FHIT: variants seen among roughly 807,000 people sequenced by gnomAD.
FHIT encodes bis(5'-adenosyl)-triphosphatase.
In FHIT, 19 loss-of-function variants were observed where a neutral mutation model predicts 17.9. The observed-to-expected ratio is 1.06, with a 90% CI of 0.74 to 1.56. FHIT has a LOEUF of 1.56. Ranked by LOEUF, FHIT falls within the 40% of genes most tolerant of loss-of-function variation. The probability of loss-of-function intolerance (pLI) is 0.00; values close to 1 mark genes in which losing one functional copy is unlikely to be tolerated. For missense variants in FHIT, 248 were observed against 189.2 expected (o/e 1.31, Z -1.82); for synonymous variants, 81 against 69.7 (o/e 1.16, Z -0.81).
At chr3:60,396,454 G>T (rs1701444790) in intron 5 of FHIT, among the ~76,000 whole-genome samples, 1 of 152,152 alleles carries the variant, frequency 6.6e-6, no homozygotes, top group South Asian at 2.1e-4. Flanking sequence ...TCTGTGCAGG[G>T]TGAAACAAAC....
At chr3:61,096,632 C>A (rs2035647639) in intron 2 of FHIT, among the ~76,000 whole-genome samples, 1 of 152,174 alleles carries the variant, frequency 6.6e-6, no homozygotes, top group Admixed American at 6.5e-5. Context: ...GGCTGCTTTA[C>A]TCTCTAGGGT....
At chr3:60,937,424 T>A (rs577853479) in intron 3 of FHIT, among the ~76,000 whole-genome samples, 19 of 152,322 alleles carry the variant, frequency 1.2e-4, no homozygotes, top group Admixed American at 9.2e-4. Flanking sequence ...TTACCCCTAA[T>A]GTGTAGTTTG....
chr3:59,863,852 T>C (rs1382645052), intron 8 of FHIT, among the ~76,000 whole-genome samples: 1 of 152,174 alleles, frequency 6.6e-6, no homozygotes, highest in Non-Finnish European at 1.5e-5. Context: ...ATTGGCAAGG[T>C]GCCTGCGGTA....
intron 7 of FHIT, among the ~76,000 whole-genome samples, chr3:60,000,892 C>T (rs971635431): frequency 2.6e-5 from 4 of 152,194 alleles, no homozygotes; most frequent in African/African-American, 9.6e-5. Flanking sequence ...TAAATTTCTG[C>T]CACCTGGTCT....
chr3:60,329,071 T>C (rs145765302), intron 5 of FHIT, among the ~76,000 whole-genome samples: 2 of 152,360 alleles, frequency 1.3e-5, no homozygotes, highest in African/African-American at 4.8e-5. Context: ...TTGAATTTCA[T>C]ATGGATTTAA....
chr3:61,241,058 A>C (rs919955100), intron 1 of FHIT, among the ~76,000 whole-genome samples: 1 of 152,158 alleles, frequency 6.6e-6, no homozygotes, highest in Non-Finnish European at 1.5e-5. Flanking sequence ...GCAGAGACTA[A>C]TTTTACTTAC....
In FHIT at chr3:59,831,704, G is replaced by C. The variant is rs552716921; in HGVS notation, c.349-79383C>G. 1.7e-4 allele frequency among the ~76,000 whole-genome samples: 26 copies of C among 152,196 alleles called. No homozygotes were observed. In the South Asian group the frequency reaches 5.4e-3, roughly 32 times the overall value. On this transcript the variant is annotated intron_variant, in intron 8 of 9. Transcript: ENST00000492590. ...ACAACTCCAAAGTGCCCTGCCTCCT[G>C]AATGAGATGGAAAATCAGTGGAATA...
intron 5 of FHIT, among the ~76,000 whole-genome samples, chr3:60,324,965 C>T (rs1376758436): frequency 6.6e-6 from 1 of 151,946 alleles, no homozygotes; most frequent in Non-Finnish European, 1.5e-5. Context: ...TGATAATGAG[C>T]ATTCTAGATA....
intron 5 of FHIT, among the ~76,000 whole-genome samples, chr3:60,213,258 C>T (rs80261582): frequency 0.012 from 1,786 of 152,266 alleles, 37 homozygotes; most frequent in African/African-American, 0.041. Context: ...TTCTTTCCGT[C>T]TCCCAATTCT....
intron 4 of FHIT, among the ~76,000 whole-genome samples, chr3:60,590,585 T>C (rs2038052498): frequency 6.6e-6 from 1 of 152,158 alleles, no homozygotes; most frequent in Non-Finnish European, 1.5e-5. Flanking sequence ...GTGGCTGCCT[T>C]GCAGCGGGGA....
intron 3 of FHIT, among the ~76,000 whole-genome samples, chr3:61,009,648 C>A (rs1575832098): frequency 6.6e-6 from 1 of 152,084 alleles, no homozygotes; most frequent in Admixed American, 6.5e-5. Flanking sequence ...ACCAAGGACT[C>A]CTTTTATTAT....
At chr3:60,935,293 C>G (rs1708139880) in intron 3 of FHIT, among the ~76,000 whole-genome samples, 1 of 152,144 alleles carries the variant, frequency 6.6e-6, no homozygotes, top group Admixed American at 6.5e-5. Context: ...TATTCATTCC[C>G]TAGCACTGTG....
At chr3:60,346,947 G>T (rs1170832856) in intron 5 of FHIT, among the ~76,000 whole-genome samples, 1 of 152,082 alleles carries the variant, frequency 6.6e-6, no homozygotes, top group African/African-American at 2.4e-5. Flanking sequence ...AGATCATATG[G>T]ACACTTAATT....
intron 3 of FHIT, among the ~76,000 whole-genome samples, chr3:60,881,851 AAAC>A (rs1704998092): frequency 6.6e-6 from 1 of 152,102 alleles, no homozygotes. Context: ...ACAAAAATGA[AAAC>A]AAGAACAAAC....
intron 4 of FHIT, among the ~76,000 whole-genome samples, chr3:60,613,740 C>G (rs1372360582): frequency 6.6e-6 from 1 of 152,042 alleles, no homozygotes; most frequent in Admixed American, 6.6e-5. Context: ...ACCCTGCTCA[C>G]TAGCTCCTTG....
Position 60,828,746 on chromosome 3 carries a change from C to T in FHIT, c.-110-6735G>A, listed in dbSNP as rs1031992003. ...TACAAAAATTAGCCAGGCATGGTGG[C>T]GGGTGCCTGTAATCCCAGCCACTTG... is the stretch of plus-strand genomic sequence containing the variant. On this transcript the variant is annotated intron_variant, in intron 3 of 9. Transcript: ENST00000492590. Among the ~76,000 whole-genome samples the T allele has an allele frequency of 4.6e-5, 7 of 152,036 alleles. No individual in the cohort carries two copies. The East Asian group carries it at 5.8e-4, about 13-fold the overall frequency.
chr3:61,011,829 A>G (rs114423317), intron 3 of FHIT, among the ~76,000 whole-genome samples: 4,543 of 152,242 alleles, frequency 0.03, 214 homozygotes, highest in African/African-American at 0.1. Context: ...TATTTCTCTC[A>G]GGAGCAGACT....
intron 5 of FHIT, among the ~76,000 whole-genome samples, chr3:60,126,013 T>C (rs1207057092): frequency 6.6e-6 from 1 of 152,174 alleles, no homozygotes; most frequent in Non-Finnish European, 1.5e-5. Context: ...TGGACTACAC[T>C]GACAGGCCCC....
intron 2 of FHIT, among the ~76,000 whole-genome samples, chr3:61,197,252 C>A (rs973947374): frequency 3.1e-4 from 47 of 152,176 alleles, no homozygotes; most frequent in African/African-American, 1.1e-3. Context: ...CAAAACAGCC[C>A]TGTGCAATAA....
Sources: gnomAD v4.1 joint callset for allele counts (sites outside exome capture counted in the v4.1 genomes callset) on GRCh38, gnomAD v4.1.1 for gene constraint, MANE v1.5 for transcripts, NCBI Gene and HGNC (gene_info 2026-07-23, HGNC 2026-07-21) for gene names.